Variants in G2E3 observed in about 807,000 individuals in gnomAD.
The protein encoded by G2E3 is G2/M-phase specific E3 ubiquitin protein ligase.
In G2E3, 35 loss-of-function variants were observed where a neutral mutation model predicts 92.8. The observed-to-expected ratio is 0.38, with a 90% CI of 0.29 to 0.50. The LOEUF (loss-of-function observed/expected upper bound fraction) is 0.50. G2E3 is among the 20% of genes least tolerant of loss of function. The pLI is 0.94. For missense variants in G2E3, 554 were observed against 823.8 expected, an observed-to-expected ratio of 0.67 and a Z score of 4.01; for synonymous variants, 242 against 272.4, an observed-to-expected ratio of 0.89 and a Z score of 1.10.
At chr14:30,561,026 G>T (rs150714166) in intron 1 of G2E3, among the ~76,000 whole-genome samples, 1 of 152,236 alleles carries the variant, frequency 6.6e-6, no homozygotes, top group East Asian at 1.9e-4. Flanking sequence ...TCCCTCTACC[G>T]TATGATGAGG....
chr14:30,604,898 TC>T (rs1218024014), intron 10 of G2E3, among the ~76,000 whole-genome samples: 5 of 152,046 alleles, frequency 3.3e-5, no homozygotes, highest in African/African-American at 1.2e-4. Context: ...ATTCATTCAT[TC>T]ATTCATTCAT....
In G2E3 at chr14:30,573,022, G is replaced by A. The variant is rs578064254; in HGVS notation, c.-4-8054G>A. Among the ~76,000 whole-genome samples, 12 of 151,302 alleles carry A rather than the reference G, an allele frequency of 7.9e-5. No homozygotes were observed. The South Asian group carries it at 1.0e-3, about 13-fold the overall frequency. ...GTTTTATGTACTTTTTTTTTGGATG[G>A]AGGTCTCACTATGTTGCTCAAGGTG... On this transcript the variant is annotated intron_variant, in intron 1 of 14. Transcript: ENST00000206595.
chr14:30,586,398 T>C (rs1177336467), intron 2 of G2E3, among the ~76,000 whole-genome samples: 1 of 152,214 alleles, frequency 6.6e-6, no homozygotes, highest in East Asian at 1.9e-4. Flanking sequence ...ATTGTACAGC[T>C]TCTAAAAATT....
intron 3 of G2E3, among the ~76,000 whole-genome samples, chr14:30,587,570 G>A (rs1187654630): frequency 6.6e-6 from 1 of 152,198 alleles, no homozygotes; most frequent in Non-Finnish European, 1.5e-5. Context: ...TTCAGGCTCA[G>A]AGTCTCATGA....
At position 30,582,865 on chromosome 14, in the gene G2E3, A is replaced by C. The variant is rs192908120; in HGVS notation, c.37+1749A>C. Among the ~76,000 whole-genome samples, 6 of 152,314 alleles carry C rather than the reference A, an allele frequency of 3.9e-5. No homozygotes were observed. The East Asian group carries it at 1.2e-3, about 29-fold the overall frequency. On this transcript the variant is annotated intron_variant, in intron 2 of 14. Coordinates refer to ENST00000206595, the MANE Select transcript of G2E3 (RefSeq NM_017769.5). ...AGGCTATTTCACTATATTAAATACG[A>C]GCTCATCTTATTTCTTTTCAGTTCT...
intron 1 of G2E3, among the ~76,000 whole-genome samples, chr14:30,580,112 A>G (rs1474541871): frequency 6.6e-6 from 1 of 152,212 alleles, no homozygotes; most frequent in African/African-American, 2.4e-5. Flanking sequence ...AGAAGAGGTA[A>G]CAAGACAGTC....
intron 1 of G2E3, among the ~76,000 whole-genome samples, chr14:30,565,620 T>C (rs1474881038): frequency 2.0e-5 from 3 of 151,008 alleles, no homozygotes; most frequent in South Asian, 4.2e-4. Context: ...TTTTTTTTAA[T>C]GCGTGTGAGG....
intron 3 of G2E3, 136 bp downstream of exon 3, chr14:30,586,951 CATTTT>C: frequency 2.5e-6 from 1 of 399,464 alleles, no homozygotes. Context: ...TAAAAATAGA[CATTTT>C]GTTTTTTGAT....
At chr14:30,610,782 A>G (rs1882052369) in intron 12 of G2E3, among the ~76,000 whole-genome samples, 1 of 152,180 alleles carries the variant, frequency 6.6e-6, no homozygotes, top group Non-Finnish European at 1.5e-5. Context: ...TCCATTGTCT[A>G]GATTTTAGGG....
chr14:30,619,754 C>A lies in G2E3; in HGVS notation c.*3220C>A, dbSNP rs987537907. ...TTTATATGTCAGCCTATTTCCCCCCCTTTTAAAGACTGCCAGATTAACCAA... is the reference window on the plus strand; with the variant it reads ...TTTATATGTCAGCCTATTTCCCCCCATTTTAAAGACTGCCAGATTAACCAA... On this transcript the variant is annotated 3_prime_UTR_variant, in exon 15 of 15. Transcript: ENST00000206595. The A allele has an allele frequency of 6.6e-6, 1 of 152,082 alleles. No individual in the cohort carries two copies. The highest frequency in any genetic ancestry group is 1.5e-5 in the Non-Finnish European group (1 of 67,992). The allele number at this position is 152,082 out of a possible 1,614,324, so 9.4% of individuals were successfully genotyped here.
intron 2 of G2E3, among the ~76,000 whole-genome samples, chr14:30,585,277 C>G (rs183226747): frequency 6.8e-4 from 103 of 152,250 alleles, no homozygotes; most frequent in African/African-American, 2.4e-3. Context: ...TACCCTTATT[C>G]TTTCTGCTAA....
At chr14:30,591,488 G>C (rs1040051946) in intron 4 of G2E3, among the ~76,000 whole-genome samples, 1 of 152,174 alleles carries the variant, frequency 6.6e-6, no homozygotes, top group Non-Finnish European at 1.5e-5. Context: ...CTGGAGGCCA[G>C]AATTGTAAAT....
chr14:30,605,403 A>C, intron 10 of G2E3, 102 bp from the exon 11 acceptor site: 1 of 498,002 alleles, frequency 2.0e-6, no homozygotes, highest in Non-Finnish European at 3.6e-6. Flanking sequence ...ATATCCTATT[A>C]ATCTTTTTTT....
At chr14:30,582,381 T>G (rs1442737944) in intron 2 of G2E3, among the ~76,000 whole-genome samples, 1 of 152,138 alleles carries the variant, frequency 6.6e-6, no homozygotes, top group African/African-American at 2.4e-5. Flanking sequence ...CTTATAAAAA[T>G]GCATGCCTGA....
In G2E3 at chr14:30,608,077, A is replaced by G. The variant is rs779226700; in HGVS notation, c.1500+8A>G. On this transcript the variant is annotated splice_region_variant and intron_variant, in intron 12 of 14. Transcript: ENST00000206595. ...GCACAGATTATAATCAGGGTAAGCA[A>G]TGTATCTGTTTATTAAAATGCACAC... is the stretch of plus-strand genomic sequence containing the variant. 6 of 1,512,966 alleles carry G rather than the reference A, an allele frequency of 4.0e-6. No individual in the cohort carries two copies. The highest frequency in any genetic ancestry group is 1.8e-4 in the Middle Eastern group (1 of 5,648). The allele number at this position is 1,512,966 out of a possible 1,614,324, so 93.7% of individuals were successfully genotyped here. A position where few individuals can be genotyped will look rare whatever the true frequency, so the allele number is the denominator to read the frequency against.
rs1385508682 is a variant in G2E3, at chr14:30,590,755, T to A, written c.237+1271T>A. 4 of 455,608 alleles carry A rather than the reference T, an allele frequency of 8.8e-6. No homozygotes were observed. The East Asian group carries it at 2.8e-4, about 32-fold the overall frequency. 28.2% of individuals were successfully genotyped at this position (455,608 alleles called of 1,614,324 possible). ...GCATGAATCTAAGGACTACGTGAGATGTTAAACGTGAGATATTAGTATCAT... is the reference window on the plus strand; with the variant it reads ...GCATGAATCTAAGGACTACGTGAGAAGTTAAACGTGAGATATTAGTATCAT... On this transcript the variant is annotated intron_variant, in intron 4 of 14. Transcript: ENST00000206595.
At chr14:30,607,343 G>A (rs370382006) in intron 11 of G2E3, among the ~76,000 whole-genome samples, 3 of 151,896 alleles carry the variant, frequency 2.0e-5, no homozygotes, top group East Asian at 3.9e-4. Flanking sequence ...GTATACTTAC[G>A]CAAACCTAGT....
At chr14:30,593,760 C>T (rs1881135197) in intron 6 of G2E3, 121 bp downstream of exon 6, 3 of 702,838 alleles carry the variant, frequency 4.3e-6, no homozygotes, top group Non-Finnish European at 7.2e-6. Flanking sequence ...ACTTTTAAAA[C>T]AGCTTTAAAG....
At chr14:30,597,257 G>A (rs778445653) in intron 6 of G2E3, among the ~76,000 whole-genome samples, 163 bp from the exon 7 acceptor site, 21 of 152,124 alleles carry the variant, frequency 1.4e-4, no homozygotes, top group South Asian at 1.2e-3. Context: ...ATAGATTTTA[G>A]CAGTGGGATA....
Sources: allele counts gnomAD v4.1 joint callset (sites outside exome capture counted in the v4.1 genomes callset), GRCh38; gene constraint gnomAD v4.1.1; transcripts MANE v1.5; gene names NCBI Gene and HGNC (gene_info 2026-07-23, HGNC 2026-07-21).